The following IQCM variants were observed in gnomAD, a reference collection of about 807,000 sequenced individuals.
IQCM encodes IQ domain-containing protein M.
In IQCM, 45 loss-of-function variants were observed where a neutral mutation model predicts 57.6. The ratio of observed to expected loss-of-function variants is 0.78; its 90% confidence interval spans 0.62 to 1.00. The LOEUF is 1.00. Ranked by LOEUF, IQCM falls within the 50% of genes least tolerant of loss-of-function variation. The pLI is 0.00. For missense variants in IQCM, 468 were observed against 511.6 expected (o/e 0.91, Z 0.82); for synonymous variants, 148 against 158.9 (o/e 0.93, Z 0.51).
At chr4:149,387,810 C>T (rs1190154910) in intron 13 of IQCM, among the ~76,000 whole-genome samples, 1 of 151,854 alleles carries the variant, frequency 6.6e-6, no homozygotes, top group African/African-American at 2.4e-5. Flanking sequence ...ACCCACCCTC[C>T]CAAAAAGCCC....
chr4:149,771,819 C>A (rs1448673310), intron 2 of IQCM, among the ~76,000 whole-genome samples: 1 of 152,094 alleles, frequency 6.6e-6, no homozygotes, highest in Non-Finnish European at 1.5e-5. Flanking sequence ...CTTTTACTAT[C>A]TTTATTAAAA....
intron 7 of IQCM, among the ~76,000 whole-genome samples, chr4:149,670,329 T>C (rs1761141627): frequency 6.6e-6 from 1 of 152,208 alleles, no homozygotes; most frequent in Admixed American, 6.5e-5. Flanking sequence ...ATTGATTTTG[T>C]ATCCTGAGAC....
At chr4:149,798,283 T>C (rs540445563) in intron 2 of IQCM, among the ~76,000 whole-genome samples, 2 of 152,056 alleles carry the variant, frequency 1.3e-5, no homozygotes, top group East Asian at 1.9e-4. Context: ...GTTTAAATAA[T>C]GGGTTATAAA....
chr4:149,613,803 A>G (rs1234180158), intron 8 of IQCM, among the ~76,000 whole-genome samples: 1 of 151,918 alleles, frequency 6.6e-6, no homozygotes, highest in Non-Finnish European at 1.5e-5. Context: ...CCCACCTATG[A>G]GTGAGAACAT....
chr4:149,550,418 ATCACCTTTTACTT>A (rs1166301936), intron 11 of IQCM, among the ~76,000 whole-genome samples: 2 of 152,364 alleles, frequency 1.3e-5, no homozygotes, highest in South Asian at 4.1e-4. Flanking sequence ...CAAAAAGAAT[ATCACCTTTTACTT>A]TTGTGATTAA....
At chr4:149,534,326 C>G (rs750208120) in intron 12 of IQCM, among the ~76,000 whole-genome samples, 69 of 152,086 alleles carry the variant, frequency 4.5e-4, no homozygotes, top group Non-Finnish European at 6.2e-4. Context: ...TTAAACTCCA[C>G]AAGAAAGAGA....
intron 5 of IQCM, among the ~76,000 whole-genome samples, chr4:149,687,622 A>G (rs1023625493): frequency 6.6e-6 from 1 of 151,508 alleles, no homozygotes; most frequent in Non-Finnish European, 1.5e-5. Context: ...CACCCTACTA[A>G]CAAAACCAGG....
chr4:149,550,947 T>C (rs1488318775), intron 11 of IQCM, among the ~76,000 whole-genome samples: 11 of 152,224 alleles, frequency 7.2e-5, no homozygotes, highest in Non-Finnish European at 1.3e-4. Context: ...ACTGGACTCC[T>C]TTATTCTGTT....
intron 5 of IQCM, among the ~76,000 whole-genome samples, chr4:149,715,289 C>G (rs905443046): frequency 1.3e-5 from 2 of 152,182 alleles, no homozygotes; most frequent in African/African-American, 4.8e-5. Flanking sequence ...TTAGCGAGCA[C>G]AGGGTTCAGC....
At chr4:149,575,637 T>G (rs1751562761) in intron 9 of IQCM, among the ~76,000 whole-genome samples, 1 of 152,010 alleles carries the variant, frequency 6.6e-6, no homozygotes, top group South Asian at 2.1e-4. Context: ...CTCCTATTTT[T>G]GACTGTTTCT....
At chr4:149,662,365 C>A (rs1760299647) in intron 7 of IQCM, among the ~76,000 whole-genome samples, 1 of 152,000 alleles carries the variant, frequency 6.6e-6, no homozygotes, top group Admixed American at 6.6e-5. Context: ...AACATATGAT[C>A]TATCCTGAAG....
chr4:149,545,662 T>G (rs888632045), intron 12 of IQCM, among the ~76,000 whole-genome samples: 1 of 152,104 alleles, frequency 6.6e-6, no homozygotes, highest in Non-Finnish European at 1.5e-5. Flanking sequence ...AGAACTACCA[T>G]AAGATCCAAC....
At chr4:149,555,598 A>G (rs1348504125) in intron 10 of IQCM, among the ~76,000 whole-genome samples, 1 of 152,206 alleles carries the variant, frequency 6.6e-6, no homozygotes, top group Non-Finnish European at 1.5e-5. Context: ...GGAGCTACCC[A>G]GCCTTTACTA....
rs138932155 is a variant in IQCM, at chr4:149,742,842, TTA to T, written c.-48-105_-48-104del. The stretch of plus-strand genomic sequence containing the variant: ...AAATAGGGTGAATGATTAAAACTTT[TTA>T]TATGTCATTTCTGTGCTCTATAACC... On this transcript the variant is annotated intron_variant, in intron 2 of 13. Coordinates refer to ENST00000636793, the MANE Select transcript of IQCM (RefSeq NM_001363507.2). The T allele has an allele frequency of 3.8e-3, 1,726 of 451,710 alleles. 15 individuals are homozygous for T. The highest frequency in any genetic ancestry group is 0.03 in the African/African-American group (1,510 of 49,526). The allele number at this position is 451,710 out of a possible 1,614,324, so 28.0% of individuals were successfully genotyped here. A position where few individuals can be genotyped will look rare whatever the true frequency, so the allele number is the denominator to read the frequency against.
At chr4:149,450,997 A>G (rs567730101) in intron 12 of IQCM, among the ~76,000 whole-genome samples, 43 of 151,904 alleles carry the variant, frequency 2.8e-4, no homozygotes, top group Middle Eastern at 6.8e-3. Flanking sequence ...TGTGTTTAGT[A>G]TTCAGCCATA....
At chr4:149,503,479 AATATT>A (rs2149795600) in intron 12 of IQCM, among the ~76,000 whole-genome samples, 1 of 152,248 alleles carries the variant, frequency 6.6e-6, no homozygotes, top group South Asian at 2.1e-4. Context: ...TGTCCCAACA[AATATT>A]AAATAATAAA....
rs182250153 is a variant in IQCM at position 149,653,290 on chromosome 4, C to T, written c.565+28828G>A. 5.5e-4 allele frequency among the ~76,000 whole-genome samples: 83 copies of T among 152,248 alleles called. 3 individuals are homozygous for T. The highest frequency in any genetic ancestry group is 1.9e-3 in the African/African-American group (78 of 41,556). ...AAACCTCCATTGCACGTTTCCTTATCCCATCAGACTCTCTTACCAAACACA... is the reference window on the plus strand; with the variant it reads ...AAACCTCCATTGCACGTTTCCTTATTCCATCAGACTCTCTTACCAAACACA... On this transcript the variant is annotated intron_variant, in intron 7 of 13. Transcript: ENST00000636793.
At chr4:149,473,277 GA>G (rs1739788749) in intron 12 of IQCM, among the ~76,000 whole-genome samples, 1 of 151,958 alleles carries the variant, frequency 6.6e-6, no homozygotes, top group Non-Finnish European at 1.5e-5. Context: ...AAATTTACAA[GA>G]AAAAAATCAA....
intron 7 of IQCM, among the ~76,000 whole-genome samples, chr4:149,629,495 C>T (rs1441920778): frequency 6.6e-6 from 1 of 151,752 alleles, no homozygotes; most frequent in East Asian, 1.9e-4. Context: ...ATGACCTTGC[C>T]CTTCAGAAAG....
Sources: allele counts gnomAD v4.1 joint callset (sites outside exome capture counted in the v4.1 genomes callset), GRCh38; gene constraint gnomAD v4.1.1; transcripts MANE v1.5; gene names NCBI Gene and HGNC (gene_info 2026-07-23, HGNC 2026-07-21).